GYS2: variants seen among roughly 807,000 people sequenced by gnomAD.
The protein encoded by GYS2 is glycogen [starch] synthase, liver.
Under a neutral mutation model 85.6 loss-of-function variants are expected in GYS2, and 80 were observed. That is an observed-to-expected ratio of 0.93 (90% CI 0.78 to 1.13). The LOEUF is 1.13. Ranked by LOEUF, GYS2 falls within the 50% of genes most tolerant of loss-of-function variation. The pLI is 0.00. For synonymous variants in GYS2, 328 were observed against 300.7 expected (o/e 1.09, Z -0.94); for missense variants, 881 against 854.9 (o/e 1.03, Z -0.38).
At chr12:21,570,672 T>C (rs1944375085) in intron 4 of GYS2, among the ~76,000 whole-genome samples, 1 of 152,118 alleles carries the variant, frequency 6.6e-6, no homozygotes, top group African/African-American at 2.4e-5. Flanking sequence ...GTGCAGAAAA[T>C]AGCAGGACAT....
At chr12:21,542,384 A>T (rs912450661) in intron 13 of GYS2, 112 bp downstream of exon 13, 1 of 763,924 alleles carries the variant, frequency 1.3e-6, no homozygotes, top group Non-Finnish European at 2.4e-6. Flanking sequence ...AAATATAAAA[A>T]CATTAGTTTA....
At chr12:21,592,712 C>G (rs1190626355) in intron 1 of GYS2, among the ~76,000 whole-genome samples, 1 of 152,022 alleles carries the variant, frequency 6.6e-6, no homozygotes, top group Admixed American at 6.5e-5. Flanking sequence ...ATTCTAATCT[C>G]AGCATCAGAT....
chr12:21,542,240 G>T (rs556810768), intron 13 of GYS2, among the ~76,000 whole-genome samples: 2 of 151,996 alleles, frequency 1.3e-5, no homozygotes, highest in South Asian at 2.1e-4. Flanking sequence ...AGTAGAGATG[G>T]GATTTTGCCG....
intron 5 of GYS2, among the ~76,000 whole-genome samples, chr12:21,568,408 T>C (rs927509496): frequency 6.6e-5 from 10 of 152,190 alleles, no homozygotes; most frequent in Admixed American, 6.5e-4. Flanking sequence ...GGTCTGTAGA[T>C]AGTTCCTGGA....
intron 8 of GYS2, among the ~76,000 whole-genome samples, chr12:21,560,146 A>T (rs71539426): frequency 0.021 from 3,171 of 152,280 alleles, 63 homozygotes; most frequent in Non-Finnish European, 0.029. Flanking sequence ...ATCTTTAAAG[A>T]TTTCTACAGG....
intron 1 of GYS2, among the ~76,000 whole-genome samples, chr12:21,599,722 T>C (rs960006489): frequency 4.6e-5 from 7 of 152,206 alleles, no homozygotes; most frequent in African/African-American, 1.7e-4. Flanking sequence ...TGAAGTAACA[T>C]TGATGTATAC....
intron 11 of GYS2, among the ~76,000 whole-genome samples, chr12:21,548,590 C>G (rs147712325): frequency 3.0e-3 from 451 of 152,144 alleles, no homozygotes; most frequent in Non-Finnish European, 3.7e-3. Flanking sequence ...GTTCACAAAG[C>G]TTCTGAACAT....
intron 4 of GYS2, among the ~76,000 whole-genome samples, chr12:21,570,967 G>C (rs1944378185): frequency 6.6e-6 from 1 of 152,216 alleles, no homozygotes; most frequent in Non-Finnish European, 1.5e-5. Context: ...AAAGTGCCTG[G>C]TATATGGAAA....
chr12:21,595,275 C>T (rs969438413), intron 1 of GYS2, among the ~76,000 whole-genome samples: 7 of 152,154 alleles, frequency 4.6e-5, no homozygotes, highest in Non-Finnish European at 2.9e-5. Context: ...TGAGAGGACC[C>T]ACAGACCCTC....
In GYS2 at chr12:21,568,977, C is replaced by G. The variant is rs776868890; in HGVS notation, c.711G>C (p.Gln237His). 1.4e-5 allele frequency: 22 copies of G among 1,614,018 alleles called. No individual in the cohort carries two copies. Among genetic ancestry groups the G allele is most frequent in the Non-Finnish European group, 1.9e-5 (22 of 1,179,978 alleles). Reference sequence around the variant, plus strand: ...GCTCCATGCAGTACCGGTGGTAAATCTGCCTTTCCCCAGCCTCTTTGTCAA... The same window carrying G: ...GCTCCATGCAGTACCGGTGGTAAATGTGCCTTTCCCCAGCCTCTTTGTCAA... ...FNIDKEAGER[Q>H]IYHRYCMERA... The change falls in exon 5 of 16, where the codon CAG becomes CAC. Residue 237 changes from glutamine to histidine, a missense_variant. Transcript: ENST00000261195.
At chr12:21,538,376 T>C (rs1943934422) in intron 15 of GYS2, among the ~76,000 whole-genome samples, 1 of 152,200 alleles carries the variant, frequency 6.6e-6, no homozygotes. Context: ...GATTGAGAAA[T>C]TATATCTGAA....
intron 1 of GYS2, among the ~76,000 whole-genome samples, chr12:21,584,828 G>A (rs988395623): frequency 1.3e-5 from 2 of 152,120 alleles, no homozygotes; most frequent in East Asian, 1.9e-4. Context: ...CCACTGTCAT[G>A]GTATTCCACA....
chr12:21,604,261 C>T (rs1944782753), intron 1 of GYS2, among the ~76,000 whole-genome samples: 2 of 152,034 alleles, frequency 1.3e-5, no homozygotes, highest in Non-Finnish European at 2.9e-5. Flanking sequence ...ATATTTTCAA[C>T]TTTCTCCCTC....
chr12:21,554,125 AAGGAAGGAAGGAAGCG>A (rs1211562327), intron 11 of GYS2, among the ~76,000 whole-genome samples: 1 of 151,802 alleles, frequency 6.6e-6, no homozygotes, highest in Non-Finnish European at 1.5e-5. Context: ...AGAAGAATGG[AAGGAAGGAAGGAAGCG>A]AGGAAGGAAG....
chr12:21,533,309 G>A (rs751109034), downstream of GYS2, among the ~76,000 whole-genome samples: 2 of 152,188 alleles, frequency 1.3e-5, no homozygotes, highest in African/African-American at 2.4e-5. Flanking sequence ...AGAAGAAGGC[G>A]AAGTGACCCT....
At chr12:21,569,500 G>A (rs1454120425) in intron 4 of GYS2, among the ~76,000 whole-genome samples, 1 of 152,156 alleles carries the variant, frequency 6.6e-6, no homozygotes, top group African/African-American at 2.4e-5. Flanking sequence ...CTTGGTTATA[G>A]AACTTCCCCT....
chr12:21,596,713 C>T lies in GYS2; in HGVS notation c.121+7759G>A, dbSNP rs1005455280. On this transcript the variant is annotated intron_variant, in intron 1 of 15. Coordinates refer to ENST00000261195, the MANE Select transcript of GYS2 (RefSeq NM_021957.4). The stretch of plus-strand genomic sequence containing the variant: ...ACAAGACAAGGATGCCCACTCTCAC[C>T]ACTCCTCTTCAACATAGTACTGGAA... Among the ~76,000 whole-genome samples the T allele has an allele frequency of 2.0e-5, 3 of 152,122 alleles. No individual in the cohort carries two copies. The East Asian group carries it at 5.8e-4, about 29-fold the overall frequency.
At chr12:21,601,394 T>A (rs1944755046) in intron 1 of GYS2, among the ~76,000 whole-genome samples, 1 of 152,100 alleles carries the variant, frequency 6.6e-6, no homozygotes, top group African/African-American at 2.4e-5. Flanking sequence ...GGCTATTAAC[T>A]CCCCCTGAGC....
At chr12:21,538,548 C>T (rs544359745) in intron 15 of GYS2, among the ~76,000 whole-genome samples, 1 of 152,274 alleles carries the variant, frequency 6.6e-6, no homozygotes, top group East Asian at 1.9e-4. Flanking sequence ...CATGCAGCTA[C>T]TAAGCTAAGG....
Sources: allele counts gnomAD v4.1 joint callset (sites outside exome capture counted in the v4.1 genomes callset), GRCh38; gene constraint gnomAD v4.1.1; transcripts MANE v1.5; gene names NCBI Gene and HGNC (gene_info 2026-07-23, HGNC 2026-07-21).